C6: variants seen among roughly 807,000 people sequenced by gnomAD.
C6 encodes complement C6.
C6 carries 101 observed loss-of-function variants against 112.9 expected under a neutral mutation model. That is an observed-to-expected ratio of 0.89 (90% CI 0.76 to 1.06). The LOEUF is 1.06. Among genes scored for constraint, C6 ranks in the 50% least tolerant of loss-of-function variants. The pLI is 0.00. For missense variants in C6, 1,202 were observed against 1,104.6 expected (o/e 1.09, Z -1.25); for synonymous variants, 431 against 384.1 (o/e 1.12, Z -1.43).
Position 41,228,537 on chromosome 5 carries a change from G to T in C6, c.-20-25287C>A, listed in dbSNP as rs148950772. Among the ~76,000 whole-genome samples, 625 of 152,168 alleles carry T rather than the reference G, an allele frequency of 4.1e-3. 2 individuals carry two copies. The highest frequency in any genetic ancestry group is 0.013 in the African/African-American group (552 of 41,540). On this transcript the variant is annotated intron_variant, in intron 1 of 17. Transcript: ENST00000263413. ...GGGCATTTCTGTCTTATTCCTAATT[G>T]TTGAGAAAAAGCTTTCAATCTTTCA...
chr5:41,172,295 G>A lies in C6; in HGVS notation c.1221C>T (p.Arg407=), dbSNP rs377253212. The A allele has an allele frequency of 2.2e-5, 36 of 1,613,150 alleles. No individual in the cohort carries two copies. The highest frequency in any genetic ancestry group is 1.9e-4 in the African/African-American group (14 of 74,964). ...KHCVRIETKK[R]VLFAKKTKVE... ...CTTTTGTTTTCTTAGCAAATAAAAC[G>A]CGTTTCTTTGTTTCAATCCTGACAC... is the stretch of plus-strand genomic sequence containing the variant. The change falls in exon 9 of 18, where the codon CGC becomes CGT. Residue 407 remains arginine (R), a synonymous_variant. Transcript: ENST00000337836.
At chr5:41,183,985 A>G (rs1269095231) in intron 6 of C6, among the ~76,000 whole-genome samples, 2 of 148,772 alleles carry the variant, frequency 1.3e-5, no homozygotes, top group Non-Finnish European at 3.0e-5. Flanking sequence ...CTAGGGGGGG[A>G]AGGGAGGGAG....
rs1344623051 is a variant in C6, at chr5:41,153,891, C to G, written c.2209G>C (p.Val737Leu). The G allele has an allele frequency of 6.2e-7, 1 of 1,613,812 alleles. No individual in the cohort carries two copies. The highest frequency in any genetic ancestry group is 8.5e-7 in the Non-Finnish European group (1 of 1,179,822). ...SIELTCPKGF[V>L]VAGPSRYTCQ... ...GTGTACCTTGATGGCCCAGCAACAA[C>G]AAAGCCTTTGGGGCAAGTTAGCTCA... Residue 737 changes from valine (V) to leucine (L), a missense_variant, in exon 15 of 18, where the codon GTT becomes CTT. Transcript: ENST00000337836.
intron 1 of C6, among the ~76,000 whole-genome samples, chr5:41,221,640 C>T (rs1045125762): frequency 4.6e-5 from 7 of 152,092 alleles, no homozygotes; most frequent in Admixed American, 1.3e-4. Flanking sequence ...GTTTGATCCT[C>T]ATTGTTTTGG....
At chr5:41,231,875 T>C (rs1739923790) in intron 1 of C6, among the ~76,000 whole-genome samples, 2 of 149,972 alleles carry the variant, frequency 1.3e-5, no homozygotes, top group Non-Finnish European at 3.0e-5. Flanking sequence ...TTCTTTAATA[T>C]ACTTTCTTTA....
chr5:41,224,582 C>CT (rs200511807), intron 1 of C6, among the ~76,000 whole-genome samples: 66 of 147,340 alleles, frequency 4.5e-4, no homozygotes, highest in South Asian at 2.1e-3. Flanking sequence ...TAGTATGTTC[C>CT]TTTTTTTTTT....
chr5:41,175,684 T>C (rs1580115493), intron 8 of C6, among the ~76,000 whole-genome samples: 1 of 152,196 alleles, frequency 6.6e-6, no homozygotes, highest in African/African-American at 2.4e-5. Context: ...TTCTGGGCTA[T>C]AGCAGAAGTG....
chr5:41,199,919 G>A lies in C6; in HGVS notation c.301-7C>T. 1 of 1,613,342 alleles carries A rather than the reference G, an allele frequency of 6.2e-7. No homozygotes were observed. The highest frequency in any genetic ancestry group is 8.5e-7 in the Non-Finnish European group (1 of 1,179,568). On this transcript the variant is annotated splice_region_variant and splice_polypyrimidine_tract_variant and intron_variant, in intron 3 of 17. Transcript: ENST00000337836. ...AGACAGATCTAACTTTAGACTGAAAGGAAAGAAGAGAAAGATATAACTCTG... is the reference window on the plus strand; with the variant it reads ...AGACAGATCTAACTTTAGACTGAAAAGAAAGAAGAGAAAGATATAACTCTG...
intron 9 of C6, among the ~76,000 whole-genome samples, chr5:41,166,077 AAT>A (rs747101319): frequency 1.3e-5 from 2 of 152,088 alleles, no homozygotes; most frequent in Non-Finnish European, 2.9e-5. Context: ...AAAAAACTAC[AAT>A]GTTCTTTATA....
chr5:41,211,606 C>T (rs762904503), intron 1 of C6, among the ~76,000 whole-genome samples: 10 of 152,024 alleles, frequency 6.6e-5, no homozygotes, highest in Admixed American at 1.3e-4. Context: ...TTCCTTTCAA[C>T]CACTAGATAG....
intron 9 of C6, among the ~76,000 whole-genome samples, chr5:41,170,640 AAC>A (rs1281472193): frequency 6.6e-6 from 1 of 152,120 alleles, no homozygotes; most frequent in African/African-American, 2.4e-5. Flanking sequence ...GCTTATGCAT[AAC>A]ACAGTCATGT....
At chr5:41,166,423 T>C (rs1349723826) in intron 9 of C6, among the ~76,000 whole-genome samples, 1 of 152,138 alleles carries the variant, frequency 6.6e-6, no homozygotes, top group African/African-American at 2.4e-5. Flanking sequence ...ACCAGTCTCA[T>C]GGGGTTGTTG....
chr5:41,208,040 G>A lies in C6; in HGVS notation c.-20-4790C>T, dbSNP rs7725855. On this transcript the variant is annotated intron_variant, in intron 1 of 17. Transcript: ENST00000337836. ...AACAAACTGTCTCTCACATCACAGT[G>A]CAATCAAACTAGAACTCAGGGTTAA... 8.1e-3 allele frequency among the ~76,000 whole-genome samples: 1,235 copies of A among 152,274 alleles called. 19 individuals carry two copies. The highest frequency in any genetic ancestry group is 0.028 in the African/African-American group (1,158 of 41,536).
At chr5:41,182,657 A>G (rs566481582) in intron 6 of C6, among the ~76,000 whole-genome samples, 4 of 152,342 alleles carry the variant, frequency 2.6e-5, no homozygotes, top group East Asian at 3.9e-4. Flanking sequence ...ATTGTTTTCA[A>G]TAAGGTATAG....
intron 1 of C6, among the ~76,000 whole-genome samples, chr5:41,228,344 T>C (rs901458436): frequency 6.6e-6 from 1 of 152,110 alleles, no homozygotes; most frequent in Non-Finnish European, 1.5e-5. Flanking sequence ...GTTTATTGGT[T>C]CTAATAATAT....
intron 1 of C6, among the ~76,000 whole-genome samples, chr5:41,235,195 T>G: frequency 7.0e-6 from 1 of 143,312 alleles, no homozygotes. Context: ...CATCTAGCAT[T>G]AGGTATATCT....
intron 5 of C6, among the ~76,000 whole-genome samples, chr5:41,189,322 C>A (rs184458411): frequency 5.3e-5 from 8 of 152,078 alleles, no homozygotes; most frequent in East Asian, 1.9e-4. Flanking sequence ...AAAACTTGTA[C>A]ATGAATGTTC....
intron 3 of C6, among the ~76,000 whole-genome samples, chr5:41,200,638 T>A (rs941008608): frequency 6.6e-6 from 1 of 152,122 alleles, no homozygotes; most frequent in African/African-American, 2.4e-5. Flanking sequence ...ACAAATGAGT[T>A]TCTTTTTCTT....
intron 1 of C6, among the ~76,000 whole-genome samples, chr5:41,249,946 C>T (rs1741244890): frequency 1.3e-5 from 2 of 152,124 alleles, no homozygotes; most frequent in Non-Finnish European, 1.5e-5. Flanking sequence ...GGATGGACAG[C>T]TTTTCATAAA....
Sources: gnomAD v4.1 joint callset for allele counts (sites outside exome capture counted in the v4.1 genomes callset) on GRCh38, gnomAD v4.1.1 for gene constraint, MANE v1.5 for transcripts, NCBI Gene and HGNC (gene_info 2026-07-23, HGNC 2026-07-21) for gene names.